Variants in PTPN1 observed in about 807,000 individuals in gnomAD.
PTPN1 encodes tyrosine-protein phosphatase non-receptor type 1.
A neutral mutation model predicts 59.9 loss-of-function variants in PTPN1; 12 were observed. The ratio of observed to expected loss-of-function variants is 0.20; its 90% confidence interval spans 0.13 to 0.32. The LOEUF is 0.32. Among genes scored for constraint, PTPN1 ranks in the 10% least tolerant of loss-of-function variants. The pLI is 1.00. For missense variants in PTPN1, 356 were observed against 549.2 expected (o/e 0.65, Z 3.52); for synonymous variants, 178 against 203.6 (o/e 0.87, Z 1.07).
intron 1 of PTPN1, among the ~76,000 whole-genome samples, chr20:50,538,424 A>T (rs938658620): frequency 6.6e-6 from 1 of 152,152 alleles, no homozygotes; most frequent in African/African-American, 2.4e-5. Flanking sequence ...AACAGCAAGG[A>T]CCTGAGAAGA....
In PTPN1 at chr20:50,528,127, AT is replaced by A. The variant is rs2082585254; in HGVS notation, c.63+17539del. ...GAATATCCTACCTTTTACTTAACTG[AT>A]TCTCGTTCTTCTTTCCAGTCACATT... On this transcript the variant is annotated intron_variant, in intron 1 of 9. Coordinates refer to ENST00000371621, the MANE Select transcript of PTPN1 (RefSeq NM_002827.4). Among the ~76,000 whole-genome samples, 3 of 151,932 alleles carry A rather than the reference AT, an allele frequency of 2.0e-5. No homozygotes were observed. In the South Asian group the frequency reaches 6.2e-4, roughly 32 times the overall value.
chr20:50,510,726 C>G (rs2082503071), intron 1 of PTPN1, 136 bp downstream of exon 1: 2 of 925,206 alleles, frequency 2.2e-6, no homozygotes, highest in Non-Finnish European at 3.1e-6. Flanking sequence ...GATGGGACAG[C>G]GACGCACTGC....
chr20:50,566,432 A>G (rs2122784296), intron 3 of PTPN1, among the ~76,000 whole-genome samples: 1 of 152,240 alleles, frequency 6.6e-6, no homozygotes, highest in Middle Eastern at 3.4e-3. Flanking sequence ...TCCTTGGGAC[A>G]TGAGAAGCTC....
chr20:50,520,022 A>G (rs1225669590), intron 1 of PTPN1, among the ~76,000 whole-genome samples: 1 of 152,134 alleles, frequency 6.6e-6, no homozygotes, highest in Non-Finnish European at 1.5e-5. Flanking sequence ...TTCAAAAAAT[A>G]TTTTCTCAGT....
intron 1 of PTPN1, among the ~76,000 whole-genome samples, chr20:50,542,910 A>G (rs2082658919): frequency 6.6e-6 from 1 of 152,238 alleles, no homozygotes; most frequent in African/African-American, 2.4e-5. Context: ...AGAGATAAGA[A>G]TACTTTTTTA....
At chr20:50,517,120 C>T (rs894611591) in intron 1 of PTPN1, among the ~76,000 whole-genome samples, 5 of 152,196 alleles carry the variant, frequency 3.3e-5, no homozygotes, top group African/African-American at 1.2e-4. Context: ...GGAAGATTCC[C>T]TCCTGCCCTG....
At chr20:50,530,223 G>A (rs997269933) in intron 1 of PTPN1, among the ~76,000 whole-genome samples, 7 of 146,786 alleles carry the variant, frequency 4.8e-5, no homozygotes, top group East Asian at 2.0e-4. Context: ...GGAACTTTAC[G>A]TGAATGTAAT....
At chr20:50,561,585 C>G (rs2082752670) in intron 2 of PTPN1, 132 bp downstream of exon 2, 1 of 552,856 alleles carries the variant, frequency 1.8e-6, no homozygotes, top group Non-Finnish European at 3.1e-6. Context: ...GCGATTGTTT[C>G]CTATAGTAAA....
intron 1 of PTPN1, among the ~76,000 whole-genome samples, chr20:50,557,490 C>T (rs776008569): frequency 1.6e-4 from 25 of 152,178 alleles, no homozygotes; most frequent in South Asian, 4.1e-4. Context: ...TTCTTTTCCT[C>T]CCCTCTGCTT....
At chr20:50,556,050 G>A (rs1162981414) in intron 1 of PTPN1, among the ~76,000 whole-genome samples, 3 of 143,590 alleles carry the variant, frequency 2.1e-5, no homozygotes, top group Admixed American at 7.0e-5. Flanking sequence ...TTTTTTTTCT[G>A]TGCTGTATAG....
At chr20:50,525,943 G>T (rs750195669) in intron 1 of PTPN1, among the ~76,000 whole-genome samples, 3 of 152,024 alleles carry the variant, frequency 2.0e-5, no homozygotes, top group Non-Finnish European at 4.4e-5. Context: ...TTGAAGAAGG[G>T]GATGAGTAAT....
chr20:50,541,019 T>C (rs1164140461), intron 1 of PTPN1, among the ~76,000 whole-genome samples: 3 of 152,186 alleles, frequency 2.0e-5, no homozygotes, highest in Non-Finnish European at 2.9e-5. Context: ...CTGTGTCAGA[T>C]AGAATGTACT....
intron 1 of PTPN1, among the ~76,000 whole-genome samples, chr20:50,538,380 C>T (rs115391887): frequency 0.011 from 1,667 of 152,216 alleles, 23 homozygotes; most frequent in African/African-American, 0.037. Flanking sequence ...AATGTAGAAA[C>T]AGGAGATAAA....
chr20:50,512,310 A>T (rs545642225), intron 1 of PTPN1, among the ~76,000 whole-genome samples: 1 of 152,372 alleles, frequency 6.6e-6, no homozygotes. Flanking sequence ...CAGTGGAAGC[A>T]TTGTGGAGAG....
At chr20:50,522,173 A>G (rs1378242457) in intron 1 of PTPN1, among the ~76,000 whole-genome samples, 2 of 152,078 alleles carry the variant, frequency 1.3e-5, no homozygotes, top group Non-Finnish European at 1.5e-5. Context: ...TTTTCTCTTT[A>G]TCCTCAGCCT....
intron 1 of PTPN1, among the ~76,000 whole-genome samples, chr20:50,550,815 C>G (rs1021833122): frequency 2.0e-5 from 3 of 152,242 alleles, no homozygotes; most frequent in Admixed American, 6.5e-5. Context: ...TACTTCTTCA[C>G]TTAGCAGATA....
rs779974899 is a variant in PTPN1, at chr20:50,582,711, CAT to C, written c.1306_1307del (p.Ter436AlafsTer2). ...TTCCAGTTCCTGTTCAACAGCAACA[CAT>C]AGCCTGACCCTCCTCCACTCCACCT... On this transcript the variant is annotated frameshift_variant and stop_lost, in exon 10 of 10. Coordinates refer to ENST00000371621, the MANE Select transcript of PTPN1 (RefSeq NM_002827.4). LOFTEE classifies it high-confidence loss of function. The surrounding 1 kb of genome is among the most constrained non-coding windows in gnomAD (Gnocchi z 4.2). 6.2e-7 allele frequency: 1 copy of C among 1,613,890 alleles called. No homozygotes were observed. The highest frequency in any genetic ancestry group is 8.5e-7 in the Non-Finnish European group (1 of 1,179,924).
Position 50,510,397 on chromosome 20 carries a change from G to A in PTPN1, c.-131G>A, listed in dbSNP as rs547739216. On this transcript the variant is annotated 5_prime_UTR_variant, in exon 1 of 10. Coordinates refer to ENST00000371621, the MANE Select transcript of PTPN1 (RefSeq NM_002827.4). ...TGCCGGTTGACATGAAGAAGCAGCA[G>A]CGGCTAGGGCGGCGGTAGCTGCAGG... 33 of 947,920 alleles carry A rather than the reference G, an allele frequency of 3.5e-5. No homozygotes were observed. The African/African-American group carries it at 5.4e-4, about 15-fold the overall frequency. 58.7% of individuals were successfully genotyped at this position (947,920 alleles called of 1,614,324 possible). A position where few individuals can be genotyped will look rare whatever the true frequency, so the allele number is the denominator to read the frequency against.
At chr20:50,542,656 A>G (rs546855679) in intron 1 of PTPN1, among the ~76,000 whole-genome samples, 3 of 152,338 alleles carry the variant, frequency 2.0e-5, no homozygotes, top group African/African-American at 7.2e-5. Context: ...AGCAATAGGT[A>G]TATGGATTTT....
Sources: allele counts gnomAD v4.1 joint callset (sites outside exome capture counted in the v4.1 genomes callset), GRCh38; gene constraint gnomAD v4.1.1; non-coding constraint Gnocchi (gnomAD v3.1); transcripts MANE v1.5; gene names NCBI Gene and HGNC (gene_info 2026-07-23, HGNC 2026-07-21).